The following IGLL5 variants were observed in gnomAD, a reference collection of about 807,000 sequenced individuals.
IGLL5 encodes the protein immunoglobulin lambda-like polypeptide 5.
Under a neutral mutation model 20.9 loss-of-function variants are expected in IGLL5, and 30 were observed. That is an observed-to-expected ratio of 1.44 (90% confidence interval 1.07 to 1.95). The LOEUF is 1.95. Ranked by LOEUF, IGLL5 falls within the 30% of genes most tolerant of loss-of-function variation. The pLI is 0.00. For synonymous variants in IGLL5, 203 were observed against 117.3 expected (o/e 1.73, Z -4.72); for missense variants, 475 against 270.7 (o/e 1.75, Z -5.30).
chr22:22,894,172 A>T (rs1601624200), intron 2 of IGLL5, among the ~76,000 whole-genome samples: 2 of 151,420 alleles, frequency 1.3e-5, no homozygotes, highest in Middle Eastern at 7.5e-3. Flanking sequence ...GGGGTCAAGG[A>T]CAGAGGCTGC....
intron 1 of IGLL5, among the ~76,000 whole-genome samples, chr22:22,889,075 G>A (rs2067682960): frequency 6.6e-6 from 1 of 151,350 alleles, no homozygotes; most frequent in Admixed American, 6.6e-5. Flanking sequence ...ATGGATTTAG[G>A]TAGATTGATT....
Position 22,895,643 on chromosome 22 carries a change from G to A in IGLL5, c.594G>A (p.Thr198=), listed in dbSNP as rs771371560. The A allele has an allele frequency of 1.4e-5, 23 of 1,613,214 alleles. No individual in the cohort carries two copies. The highest frequency in any genetic ancestry group is 4.4e-5 in the South Asian group (4 of 91,030). ...KSHRSYSCQV[T]HEGSTVEKTV... ...ACAGAAGCTACAGCTGCCAGGTCAC[G>A]CATGAAGGGAGCACCGTGGAGAAGA... is the stretch of plus-strand genomic sequence containing the variant. Residue 198 remains threonine, a synonymous_variant, in exon 3 of 3, where the codon ACG becomes ACA. Transcript: ENST00000526893.
rs554734650 is a variant in IGLL5 at position 22,888,239 on chromosome 22, C to G, written c.186C>G (p.Ser62Arg). ...PGASVGSSRS[S>R]LRSLWGRLLL... ...CCTCAGTTGGAAGCAGCCGATCCAGCCTGCGGAGCCTGTGGGGCAGGTAAG... is the reference window on the plus strand; with the variant it reads ...CCTCAGTTGGAAGCAGCCGATCCAGGCTGCGGAGCCTGTGGGGCAGGTAAG... Residue 62 changes from serine to arginine, a missense_variant, in exon 1 of 3, where the codon AGC (serine) becomes AGG (arginine). By Grantham distance (110) the Ser-to-Arg change is moderately radical. Transcript: ENST00000526893. 15 of 1,547,772 alleles carry G rather than the reference C, an allele frequency of 9.7e-6. No homozygotes were observed. The highest frequency in any genetic ancestry group is 2.0e-4 in the Middle Eastern group (1 of 5,112).
chr22:22,889,633 G>A (rs2067741334), intron 1 of IGLL5, among the ~76,000 whole-genome samples: 1 of 151,288 alleles, frequency 6.6e-6, no homozygotes, highest in Admixed American at 6.6e-5. Flanking sequence ...TGTTGCTCAG[G>A]CTGGAGTACA....
intron 2 of IGLL5, among the ~76,000 whole-genome samples, chr22:22,894,212 AT>A: frequency 6.6e-6 from 1 of 151,298 alleles, no homozygotes; most frequent in Admixed American, 6.6e-5. Flanking sequence ...GCTGAGTCTC[AT>A]AGTCTAGGGG....
At chr22:22,888,462 T>G (rs115279007) in intron 1 of IGLL5, among the ~76,000 whole-genome samples, 1 of 151,314 alleles carries the variant, frequency 6.6e-6, no homozygotes, top group Non-Finnish European at 1.5e-5. Context: ...TATTACGATA[T>G]TATTTTTCTT....
intron 1 of IGLL5, among the ~76,000 whole-genome samples, chr22:22,889,432 A>T (rs142632169): frequency 3.3e-5 from 5 of 151,228 alleles, no homozygotes; most frequent in South Asian, 2.1e-4. Flanking sequence ...ACTTCTAGGA[A>T]TTTATCCTAA....
rs552432937 is a variant in IGLL5, at chr22:22,888,580, C to T, written c.206+321C>T. ...AGGAACAGAGGCAGGGACAGGACAT[C>T]CACAGGGGGTGGTGGCCACTGTCCC... On this transcript the variant is annotated intron_variant, in intron 1 of 2. Coordinates refer to ENST00000526893, the MANE Select transcript of IGLL5 (RefSeq NM_001178126.2). Among the ~76,000 whole-genome samples, 6 of 151,286 alleles carry T rather than the reference C, an allele frequency of 4.0e-5. 1 individual carries two copies. Among genetic ancestry groups the T allele is most frequent in the East Asian group, 2.0e-4 (1 of 4,918 alleles).
At chr22:22,893,633 AC>A in intron 1 of IGLL5, 66 bp from the exon 2 acceptor site, 17 of 961,966 alleles carry the variant, frequency 1.8e-5, no homozygotes, top group Admixed American at 4.3e-5. Context: ...GGGGCTGGCC[AC>A]CCCCCTGCCT....
rs192296098 is a variant in IGLL5, at chr22:22,888,932, C to T, written c.206+673C>T. Among the ~76,000 whole-genome samples the T allele has an allele frequency of 5.3e-5, 8 of 151,184 alleles. No homozygotes were observed. The South Asian group carries it at 6.3e-4, about 12-fold the overall frequency. On this transcript the variant is annotated intron_variant, in intron 1 of 2. Coordinates refer to ENST00000526893, the MANE Select transcript of IGLL5 (RefSeq NM_001178126.2). ...GAGGGGCACTGGCTGGTGATGGGTG[C>T]CCCCAAAAGACAGAGCAGCGTCAGA...
intron 2 of IGLL5, among the ~76,000 whole-genome samples, chr22:22,894,096 A>C (rs1601623488): frequency 2.6e-5 from 4 of 151,386 alleles, no homozygotes; most frequent in East Asian, 4.0e-4. Flanking sequence ...TGTCTGAGTG[A>C]GGGACAGAGG....
At chr22:22,894,694 G>C in intron 2 of IGLL5, among the ~76,000 whole-genome samples, 1 of 151,448 alleles carries the variant, frequency 6.6e-6, no homozygotes, top group African/African-American at 2.4e-5. Flanking sequence ...GGGCTGCTGA[G>C]TCTCATAGTC....
chr22:22,894,213 TAG>T, intron 2 of IGLL5, among the ~76,000 whole-genome samples: 1 of 151,022 alleles, frequency 6.6e-6, no homozygotes, highest in Middle Eastern at 3.8e-3. Flanking sequence ...CTGAGTCTCA[TAG>T]TCTAGGGGAG....
At chr22:22,890,149 T>A (rs2067779273) in intron 1 of IGLL5, among the ~76,000 whole-genome samples, 1 of 148,650 alleles carries the variant, frequency 6.7e-6, no homozygotes, top group Non-Finnish European at 1.5e-5. Context: ...TTTTGTACAT[T>A]ACTCTTTTTT....
At chr22:22,891,247 C>A (rs187039459) in intron 1 of IGLL5, among the ~76,000 whole-genome samples, 3 of 150,326 alleles carry the variant, frequency 2.0e-5, no homozygotes, top group African/African-American at 7.3e-5. Context: ...TTCTTTACTT[C>A]CCCTGGAGTT....
chr22:22,891,474 C>A (rs2067845255), intron 1 of IGLL5, among the ~76,000 whole-genome samples: 1 of 151,052 alleles, frequency 6.6e-6, no homozygotes, highest in Non-Finnish European at 1.5e-5. Context: ...GGGAAAGAAC[C>A]CGTCATTGTT....
At position 22,891,502 on chromosome 22, in the gene IGLL5, T is replaced by C. The variant is rs559624042; in HGVS notation, c.207-2198T>C. On this transcript the variant is annotated intron_variant, in intron 1 of 2. Transcript: ENST00000526893. ...TCATTGTTACTTTTTCTCAAAATAG[T>C]CATGTCTATTATCTGTCATTCTTAG... Among the ~76,000 whole-genome samples the C allele has an allele frequency of 8.9e-4, 134 of 151,288 alleles. 2 individuals carry two copies. The highest frequency in any genetic ancestry group is 3.1e-3 in the African/African-American group (126 of 41,286).
At chr22:22,888,331 C>A (rs2067582936) in intron 1 of IGLL5, 72 bp downstream of exon 1, 2 of 1,430,864 alleles carry the variant, frequency 1.4e-6, no homozygotes, top group African/African-American at 1.4e-5. Flanking sequence ...CAAGGGGAGA[C>A]AAGCCAGAGG....
intron 1 of IGLL5, among the ~76,000 whole-genome samples, chr22:22,888,853 T>C (rs543192942): frequency 3.3e-5 from 5 of 151,238 alleles, no homozygotes; most frequent in East Asian, 2.0e-4. Flanking sequence ...TTTGGAGCAA[T>C]AAAGGGAGAG....
Sources: gnomAD v4.1 joint callset for allele counts (sites outside exome capture counted in the v4.1 genomes callset) on GRCh38, gnomAD v4.1.1 for gene constraint, MANE v1.5 for transcripts, NCBI Gene and HGNC (gene_info 2026-07-23, HGNC 2026-07-21) for gene names.